Variants in BICD1 observed in about 807,000 individuals in gnomAD.
BICD1 encodes the protein protein bicaudal D homolog 1.
In BICD1, 35 loss-of-function variants were observed where a neutral mutation model predicts 92.5. The observed-to-expected ratio is 0.38, with a 90% CI of 0.29 to 0.50. BICD1 has a LOEUF of 0.50. BICD1 is among the 20% of genes least tolerant of loss of function. BICD1 has a pLI of 0.93. For synonymous variants in BICD1, 429 were observed against 465.1 expected (o/e 0.92, Z 1.00); for missense variants, 950 against 1,189.8 (o/e 0.80, Z 2.97).
At chr12:32,251,492 T>C (rs1946520895) in intron 2 of BICD1, among the ~76,000 whole-genome samples, 2 of 151,960 alleles carry the variant, frequency 1.3e-5, no homozygotes, top group South Asian at 4.2e-4. Flanking sequence ...TAGGGAAGAA[T>C]CTTTTCCTTG....
At position 32,313,527 on chromosome 12, in the gene BICD1, T is replaced by A. The variant is rs930519331; in HGVS notation, c.1005+7405T>A. Among the ~76,000 whole-genome samples, 10 of 152,176 alleles carry A rather than the reference T, an allele frequency of 6.6e-5. No homozygotes were observed. The highest frequency in any genetic ancestry group is 2.4e-4 in the African/African-American group (10 of 41,448). On this transcript the variant is annotated intron_variant, in intron 4 of 9. Coordinates refer to ENST00000652176, the MANE Select transcript of BICD1 (RefSeq NM_001714.4). This position sits in a 1 kb window ranked among gnomAD's most constrained non-coding sequence, Gnocchi z 4.2. ...AGAGACAGTCGAACAAGTGAAATAT[T>A]ATCTCTGCTTAAACACTCACAGAAT... is the stretch of plus-strand genomic sequence containing the variant.
intron 3 of BICD1, among the ~76,000 whole-genome samples, chr12:32,305,347 C>T (rs1239585): frequency 6.6e-6 from 1 of 151,550 alleles, no homozygotes; most frequent in Non-Finnish European, 1.5e-5. Context: ...AACAGTGCCC[C>T]CTTTTGACCA....
chr12:32,362,092 G>A (rs1258506488), intron 8 of BICD1, among the ~76,000 whole-genome samples: 1 of 152,238 alleles, frequency 6.6e-6, no homozygotes, highest in Non-Finnish European at 1.5e-5. Context: ...GGGCGCAGTG[G>A]CTCACGCCTA....
chr12:32,291,829 A>C (rs261874), intron 2 of BICD1, among the ~76,000 whole-genome samples: 95,729 of 151,762 alleles, frequency 0.63, 30,955 homozygotes, highest in Middle Eastern at 0.78. Flanking sequence ...CAGAGTGAGA[A>C]CATGTCTTTA....
chr12:32,107,588 C>T (rs1480787877), intron 1 of BICD1, 44 bp downstream of exon 1: 1 of 1,537,026 alleles, frequency 6.5e-7, no homozygotes, highest in South Asian at 1.2e-5. Context: ...CTCACTCCCC[C>T]CACCCGCAAG....
At chr12:32,192,050 G>A (rs968081917) in intron 1 of BICD1, among the ~76,000 whole-genome samples, 17 of 152,296 alleles carry the variant, frequency 1.1e-4, no homozygotes, top group African/African-American at 3.4e-4. Flanking sequence ...TGAAAGCCCA[G>A]ATAGGCCTAT....
At chr12:32,350,803 A>C (rs1462516530) in intron 8 of BICD1, among the ~76,000 whole-genome samples, 1 of 152,190 alleles carries the variant, frequency 6.6e-6, no homozygotes, top group Non-Finnish European at 1.5e-5. Context: ...TGACTATTCC[A>C]TTCTTTGTTT....
chr12:32,238,407 T>C (rs985393397), intron 2 of BICD1, among the ~76,000 whole-genome samples: 1 of 152,192 alleles, frequency 6.6e-6, no homozygotes, highest in East Asian at 1.9e-4. Flanking sequence ...GCAAAGGAAA[T>C]GATTTCTTGG....
chr12:32,240,355 C>T (rs544702750), intron 2 of BICD1, among the ~76,000 whole-genome samples: 2 of 152,134 alleles, frequency 1.3e-5, no homozygotes, highest in Non-Finnish European at 2.9e-5. Flanking sequence ...GCCATACCCC[C>T]AGGAAGGCTC....
chr12:32,169,193 C>T (rs566574764), intron 1 of BICD1, among the ~76,000 whole-genome samples: 9 of 151,572 alleles, frequency 5.9e-5, no homozygotes, highest in African/African-American at 2.2e-4. Context: ...TTAATTATCT[C>T]GTAAAAAGAT....
At chr12:32,111,002 G>GT (rs112591320) in intron 1 of BICD1, among the ~76,000 whole-genome samples, 316 of 150,800 alleles carry the variant, frequency 2.1e-3, no homozygotes, top group African/African-American at 7.1e-3. Flanking sequence ...AAAAAAAAGA[G>GT]TTTTTTTTTA....
chr12:32,198,325 T>TATATATA, intron 1 of BICD1, among the ~76,000 whole-genome samples: 1 of 87,634 alleles, frequency 1.1e-5, no homozygotes, highest in East Asian at 3.3e-4. Flanking sequence ...ATAATATGCA[T>TATATATA]CTATCTATAT....
chr12:32,371,461 C>T (rs1459637237), intron 9 of BICD1, among the ~76,000 whole-genome samples: 1 of 152,182 alleles, frequency 6.6e-6, no homozygotes, highest in Non-Finnish European at 1.5e-5. Context: ...TAGTATAAAC[C>T]AGACAAGGGT....
At chr12:32,135,767 A>G (rs756805868) in intron 1 of BICD1, among the ~76,000 whole-genome samples, 1 of 152,018 alleles carries the variant, frequency 6.6e-6, no homozygotes, top group Admixed American at 6.6e-5. Flanking sequence ...TTATCTCACT[A>G]TCTCTGTTCT....
chr12:32,266,751 G>A lies in BICD1; in HGVS notation c.427-27243G>A, dbSNP rs779697392. 1.7e-4 allele frequency among the ~76,000 whole-genome samples: 26 copies of A among 151,844 alleles called. No homozygotes were observed. In the East Asian group the frequency reaches 3.3e-3, roughly 19 times the overall value. On this transcript the variant is annotated intron_variant, in intron 2 of 9. Transcript: ENST00000652176. Reference sequence around the variant, plus strand: ...TGCATGCCTATAATCCCAGCTACTCGGGAGGCTGAGGCAGAAGAATCACTT... The same window carrying A: ...TGCATGCCTATAATCCCAGCTACTCAGGAGGCTGAGGCAGAAGAATCACTT...
chr12:32,197,349 T>C (rs915547838), intron 1 of BICD1, among the ~76,000 whole-genome samples: 5 of 152,194 alleles, frequency 3.3e-5, no homozygotes, highest in African/African-American at 1.2e-4. Context: ...CATCTTGAAT[T>C]TCAATTCTTA....
chr12:32,175,021 A>T (rs1182236097), intron 1 of BICD1, among the ~76,000 whole-genome samples: 3 of 152,110 alleles, frequency 2.0e-5, no homozygotes, highest in Non-Finnish European at 4.4e-5. Flanking sequence ...TTCCCATTCT[A>T]TCTGGTTATT....
intron 3 of BICD1, among the ~76,000 whole-genome samples, chr12:32,299,534 A>G (rs1040271892): frequency 6.6e-6 from 1 of 152,140 alleles, no homozygotes; most frequent in Admixed American, 6.5e-5. Context: ...CTTGTACCAC[A>G]TTTGAGTGAG....
intron 8 of BICD1, among the ~76,000 whole-genome samples, chr12:32,365,168 C>T (rs955136407): frequency 4.6e-5 from 7 of 152,258 alleles, no homozygotes; most frequent in East Asian, 1.9e-4. Flanking sequence ...ACCCAGGAGG[C>T]GGAGATTGCA....
Sources: gnomAD v4.1 joint callset for allele counts (sites outside exome capture counted in the v4.1 genomes callset) on GRCh38, gnomAD v4.1.1 for gene constraint, Gnocchi (gnomAD v3.1) non-coding constraint, MANE v1.5 for transcripts, NCBI Gene and HGNC (gene_info 2026-07-23, HGNC 2026-07-21) for gene names.